The following CNTN3 variants were observed in gnomAD, a reference collection of about 807,000 sequenced individuals.
CNTN3 encodes the protein contactin 3, also known as contactin-3.
CNTN3 carries 60 observed loss-of-function variants against 119.1 expected under a neutral mutation model. That is an observed-to-expected ratio of 0.50 (90% CI 0.41 to 0.62). The LOEUF is 0.62. CNTN3 is among the 20% of genes least tolerant of loss of function. The pLI, the probability that CNTN3 is intolerant of heterozygous loss-of-function variation, is 0.00. For missense variants in CNTN3, 1,101 were observed against 1,242.4 expected (o/e 0.89, Z 1.71); for synonymous variants, 450 against 438.7 (o/e 1.03, Z -0.32).
intron 4 of CNTN3, among the ~76,000 whole-genome samples, chr3:74,472,318 C>A (rs904114261): frequency 6.6e-6 from 1 of 152,108 alleles, no homozygotes; most frequent in Non-Finnish European, 1.5e-5. Context: ...CCTCTCTGTA[C>A]CAATCATTCA....
intron 1 of CNTN3, among the ~76,000 whole-genome samples, chr3:74,570,806 A>G (rs1704320994): frequency 6.6e-6 from 1 of 152,184 alleles, no homozygotes; most frequent in Non-Finnish European, 1.5e-5. Context: ...AATTGGAGAG[A>G]TGGATGTGGG....
Position 74,457,116 on chromosome 3 carries a change from T to A in CNTN3, c.358+29340A>T, listed in dbSNP as rs574798770. Reference sequence around the variant, plus strand: ...ATTCAGATTCCCATTAATGGTCTATTTTGTTTTAATATTATTAACACCTGA... The same window carrying A: ...ATTCAGATTCCCATTAATGGTCTATATTGTTTTAATATTATTAACACCTGA... On this transcript the variant is annotated intron_variant, in intron 4 of 22. Coordinates refer to ENST00000263665, the MANE Select transcript of CNTN3 (RefSeq NM_020872.3). Among the ~76,000 whole-genome samples, 14 of 152,216 alleles carry A rather than the reference T, an allele frequency of 9.2e-5. No individual in the cohort carries two copies. The East Asian group carries it at 2.7e-3, about 29-fold the overall frequency.
At chr3:74,268,852 G>T (rs762204614) in intron 20 of CNTN3, among the ~76,000 whole-genome samples, 9 of 152,048 alleles carry the variant, frequency 5.9e-5, no homozygotes, top group Non-Finnish European at 1.2e-4. Context: ...ACTACAGCAT[G>T]GTTTGTTCTA....
At chr3:74,371,156 C>T in intron 6 of CNTN3, 40 bp downstream of exon 6, 1 of 1,449,608 alleles carries the variant, frequency 6.9e-7, no homozygotes, top group South Asian at 1.1e-5. Flanking sequence ...AGCCTCAGCA[C>T]CATTTACGCT....
chr3:74,356,904 C>T (rs1334898818), intron 11 of CNTN3, among the ~76,000 whole-genome samples: 1 of 152,004 alleles, frequency 6.6e-6, no homozygotes, highest in Non-Finnish European at 1.5e-5. Flanking sequence ...ACTTTATAAA[C>T]CAGGTGGATT....
Position 74,524,388 on chromosome 3 carries a change from T to G in CNTN3, c.-80-3196A>C, listed in dbSNP as rs961195644. On this transcript the variant is annotated intron_variant, in intron 1 of 22. Transcript: ENST00000263665. ...TATTGCGAGTGACACCTTGTTTAAA[T>G]GAGTATGGGGTATTTATAAATTGCC... Among the ~76,000 whole-genome samples, 20 of 151,920 alleles carry G rather than the reference T, an allele frequency of 1.3e-4. No homozygotes were observed. The East Asian group carries it at 3.5e-3, about 27-fold the overall frequency.
intron 4 of CNTN3, among the ~76,000 whole-genome samples, chr3:74,480,389 T>C (rs1190603444): frequency 2.0e-5 from 3 of 152,090 alleles, no homozygotes; most frequent in Admixed American, 6.6e-5. Context: ...ATGGATTTTG[T>C]AAGCCTCATA....
intron 4 of CNTN3, among the ~76,000 whole-genome samples, chr3:74,463,955 T>C (rs1702416673): frequency 1.3e-5 from 2 of 152,194 alleles, no homozygotes; most frequent in East Asian, 1.9e-4. Flanking sequence ...TTTAATGCAG[T>C]TGAAATTTGT....
chr3:74,295,998 G>A (rs1056723340), intron 18 of CNTN3, among the ~76,000 whole-genome samples: 1 of 152,088 alleles, frequency 6.6e-6, no homozygotes, highest in Non-Finnish European at 1.5e-5. Context: ...TTGGTTTGGA[G>A]AGTCGAGGAG....
At chr3:74,397,963 C>T (rs1406448789) in intron 5 of CNTN3, among the ~76,000 whole-genome samples, 1 of 152,156 alleles carries the variant, frequency 6.6e-6, no homozygotes, top group Non-Finnish European at 1.5e-5. Context: ...TGAATTGCTA[C>T]AATTTCATGA....
chr3:74,565,844 T>A (rs2106640671), intron 1 of CNTN3, among the ~76,000 whole-genome samples: 1 of 152,308 alleles, frequency 6.6e-6, no homozygotes, highest in African/African-American at 2.4e-5. Context: ...AAATCTCATT[T>A]TGACTTGTAG....
At chr3:74,290,928 C>T (rs969822685) in intron 19 of CNTN3, among the ~76,000 whole-genome samples, 1 of 151,456 alleles carries the variant, frequency 6.6e-6, no homozygotes, top group Non-Finnish European at 1.5e-5. Flanking sequence ...ACTTTAAGTT[C>T]GAGGGTACAT....
intron 5 of CNTN3, among the ~76,000 whole-genome samples, chr3:74,399,129 T>A (rs546265988): frequency 4.6e-5 from 7 of 152,318 alleles, no homozygotes; most frequent in South Asian, 2.1e-4. Flanking sequence ...AGTTTTTTTT[T>A]AATCTTTTAT....
chr3:74,291,411 T>C (rs1193685255), intron 19 of CNTN3, among the ~76,000 whole-genome samples: 2 of 152,226 alleles, frequency 1.3e-5, no homozygotes, highest in East Asian at 3.9e-4. Flanking sequence ...TTTGGGTATA[T>C]ACCCAGTAAT....
chr3:74,451,454 T>G (rs1430005460), intron 4 of CNTN3, among the ~76,000 whole-genome samples: 1 of 152,030 alleles, frequency 6.6e-6, no homozygotes, highest in Non-Finnish European at 1.5e-5. Flanking sequence ...TTTTCTCCCA[T>G]TTTGTGGGTT....
intron 5 of CNTN3, among the ~76,000 whole-genome samples, chr3:74,406,235 A>G (rs1430927162): frequency 6.6e-6 from 1 of 152,172 alleles, no homozygotes; most frequent in East Asian, 1.9e-4. Context: ...ATCAGAAGAT[A>G]TTATTTTAAA....
intron 17 of CNTN3, 113 bp from the exon 18 acceptor site, chr3:74,298,304 T>C: frequency 1.6e-6 from 1 of 641,496 alleles, no homozygotes; most frequent in African/African-American, 1.8e-5. Flanking sequence ...ATCATCTACA[T>C]TGTATTAAGC....
At chr3:74,322,247 A>C (rs1286567876) in intron 13 of CNTN3, among the ~76,000 whole-genome samples, 1 of 152,040 alleles carries the variant, frequency 6.6e-6, no homozygotes, top group Non-Finnish European at 1.5e-5. Context: ...GCAAAAGACA[A>C]ATCTGACAAA....
chr3:74,588,351 C>A (rs1334003837), intron 1 of CNTN3, among the ~76,000 whole-genome samples: 1 of 152,056 alleles, frequency 6.6e-6, no homozygotes, highest in African/African-American at 2.4e-5. Flanking sequence ...AACTCCCGTT[C>A]ACAATTGCTT....
Sources: allele counts gnomAD v4.1 joint callset (sites outside exome capture counted in the v4.1 genomes callset), GRCh38; gene constraint gnomAD v4.1.1; transcripts MANE v1.5; gene names NCBI Gene and HGNC (gene_info 2026-07-23, HGNC 2026-07-21).